Variants in AADACL3 observed in about 807,000 individuals in gnomAD.
AADACL3 encodes arylacetamide deacetylase like 3, also known as arylacetamide deacetylase-like 3.
Under a neutral mutation model 13.6 loss-of-function variants are expected in AADACL3, and 13 were observed. That is an observed-to-expected ratio of 0.95 (90% CI 0.62 to 1.52). The LOEUF (loss-of-function observed/expected upper bound fraction) is 1.52, where lower values mean the gene tolerates loss of function less well. Among genes scored for constraint, AADACL3 ranks in the 40% most tolerant of loss-of-function variants. The probability of loss-of-function intolerance (pLI) is 0.00; values close to 1 mark genes in which losing one functional copy is unlikely to be tolerated. For synonymous variants in AADACL3, 195 were observed against 197.0 expected, an observed-to-expected ratio of 0.99 and a Z score of 0.08; for missense variants, 519 against 499.2, an observed-to-expected ratio of 1.04 and a Z score of -0.38.
In AADACL3 at chr1:12,716,305, G is replaced by A. The variant is rs1648431703; in HGVS notation, c.129G>A (p.Leu43=). The change falls in exon 1 of 4, where the codon CTG becomes CTA. Residue 43 remains leucine, a synonymous_variant. Coordinates refer to ENST00000359318, the MANE Select transcript of AADACL3 (RefSeq NM_001103170.3). ...CAGCGGTTGGCCACCCTGTGAAACT[G>A]AGAGTCCTCCATTGCATCTTCCAGC... ...IPAAVGHPVK[L]RVLHCIFQLL... 6.2e-7 allele frequency: 1 copy of A among 1,614,060 alleles called. No homozygotes were observed. Among genetic ancestry groups the A allele is most frequent in the Non-Finnish European group, 8.5e-7 (1 of 1,180,022 alleles).
Position 12,725,417 on chromosome 1 carries a change from C to T in AADACL3, c.645C>T (p.Ile215=). Reference sequence around the variant, plus strand: ...TGGACAGGCCAGATCTGCCCCGGATCCGGGCTCAGATCCTGATCTATGCCA... The same window carrying T: ...TGGACAGGCCAGATCTGCCCCGGATTCGGGCTCAGATCCTGATCTATGCCA... The part of the protein sequence containing the change: ...QLVDRPDLPR[I]RAQILIYAIL... Residue 215 remains isoleucine (I), a synonymous_variant, in exon 4 of 4, where the codon ATC becomes ATT. Transcript: ENST00000359318. The T allele has an allele frequency of 6.2e-7, 1 of 1,614,004 alleles. No individual in the cohort carries two copies. Among genetic ancestry groups the T allele is most frequent in the South Asian group, 1.1e-5 (1 of 91,038 alleles).
At position 12,725,771 on chromosome 1, in the gene AADACL3, G is replaced by A. The variant is rs746815760; in HGVS notation, c.999G>A (p.Val333=). Residue 333 remains valine (V), a synonymous_variant, in exon 4 of 4, where the codon GTG becomes GTA. Transcript: ENST00000359318. Reference sequence around the variant, plus strand: ...CCCTGATTGCAGAAGATGACATAGTGTCTCAGCTCCCGGAAACCTGCATCG... The same window carrying A: ...CCCTGATTGCAGAAGATGACATAGTATCTCAGCTCCCGGAAACCTGCATCG... ...CSPLIAEDDI[V]SQLPETCIVS... is the part of the protein sequence containing the mutation. 3.7e-6 allele frequency: 6 copies of A among 1,614,166 alleles called. No individual in the cohort carries two copies. Among genetic ancestry groups the A allele is most frequent in the East Asian group, 2.2e-5 (1 of 44,880 alleles).
At chr1:12,718,138 T>C (rs1648479360) in intron 1 of AADACL3, among the ~76,000 whole-genome samples, 3 of 152,198 alleles carry the variant, frequency 2.0e-5, no homozygotes, top group South Asian at 2.1e-4. Flanking sequence ...GAAGAACCTA[T>C]ATTATTATGA....
chr1:12,721,219 T>G (rs955072200), intron 3 of AADACL3, among the ~76,000 whole-genome samples: 1 of 151,898 alleles, frequency 6.6e-6, no homozygotes. Context: ...CTGGGCAACA[T>G]AGTGAGACCC....
rs771814330 is a variant in AADACL3, at chr1:12,725,376, GT to G, written c.607del (p.Cys203ValfsTer18). ...DSFGGAIAAV[V>X]CQQLVDRPDL... ...TTTCGGAGGGGCAATAGCCGCAGTG[GT>G]TTGTCAACAACTTGTGGACAGGCCA... On this transcript the variant is annotated frameshift_variant, in exon 4 of 4. Transcript: ENST00000359318. LOFTEE classifies it low-confidence loss of function (END_TRUNC). 1.9e-6 allele frequency: 3 copies of G among 1,614,038 alleles called. No homozygotes were observed. The highest frequency in any genetic ancestry group is 2.5e-6 in the Non-Finnish European group (3 of 1,180,030).
rs368308333 is a variant in AADACL3, at chr1:12,725,904, G to A, written c.1132G>A (p.Gly378Arg). Residue 378 changes from glycine (G) to arginine (R), a missense_variant, in exon 4 of 4, where the codon GGA (glycine) becomes AGA (arginine). By Grantham distance (125) the Gly-to-Arg change is moderately radical. Transcript: ENST00000359318. ...GCACCATATGGAGGATGGTTTCCAT[G>A]GAGTGCTCAGGACCATTGACATGAG... ...TWHHMEDGFH[G>R]VLRTIDMSFL... 1 of 1,614,160 alleles carries A rather than the reference G, an allele frequency of 6.2e-7. No homozygotes were observed. Among genetic ancestry groups the A allele is most frequent in the Non-Finnish European group, 8.5e-7 (1 of 1,180,024 alleles).
intron 1 of AADACL3, among the ~76,000 whole-genome samples, chr1:12,717,420 A>G (rs1479312775): frequency 6.6e-6 from 1 of 152,250 alleles, no homozygotes. Context: ...TGGAGACTCC[A>G]TGAATAACCC....
chr1:12,723,659 G>A (rs1380086798), intron 3 of AADACL3, among the ~76,000 whole-genome samples: 5 of 151,296 alleles, frequency 3.3e-5, no homozygotes, highest in Non-Finnish European at 7.4e-5. Context: ...TTGTATTTTT[G>A]GTAGAGGCAG....
In AADACL3 at chr1:12,719,555, T is replaced by C. The variant is rs772243495; in HGVS notation, c.249T>C (p.Tyr83=). ...TGCAAGATCTGCCTCCGCTAAAGTA[T>C]GACCCCGATGTTGTGGTCACGGATT... ...CFMQDLPPLK[Y]DPDVVVTDFR... Residue 83 remains tyrosine (Y), a synonymous_variant, in exon 2 of 4, where the codon TAT becomes TAC. Coordinates refer to ENST00000359318, the MANE Select transcript of AADACL3 (RefSeq NM_001103170.3). 1.7e-5 allele frequency: 28 copies of C among 1,614,186 alleles called. No individual in the cohort carries two copies. In the South Asian group the frequency reaches 3.1e-4, roughly 18 times the overall value.
rs148957915 is a variant in AADACL3, at chr1:12,718,111, C to A, written c.169-1364C>A. On this transcript the variant is annotated intron_variant, in intron 1 of 3. Transcript: ENST00000359318. ...ATCAGGCAGCAGTTAGATCTTATTA[C>A]TCTATGTGCTAGTAAGGAAGAACCT... is the stretch of plus-strand genomic sequence containing the variant. 8.6e-3 allele frequency among the ~76,000 whole-genome samples: 1,302 copies of A among 152,244 alleles called. 18 individuals are homozygous for A. The highest frequency in any genetic ancestry group is 0.026 in the African/African-American group (1,070 of 41,554).
At position 12,718,359 on chromosome 1, in the gene AADACL3, CAA is replaced by C. The variant is rs781999285; in HGVS notation, c.169-1094_169-1093del. Among the ~76,000 whole-genome samples the C allele has an allele frequency of 3.0e-3, 200 of 66,548 alleles. 2 individuals carry two copies. Among genetic ancestry groups the C allele is most frequent in the African/African-American group, 8.1e-3 (154 of 19,048 alleles). The allele number at this position is 66,548 out of a possible 152,430, so 43.7% of individuals were successfully genotyped here. A position where few individuals can be genotyped will look rare whatever the true frequency, so the allele number is the denominator to read the frequency against. The stretch of plus-strand genomic sequence containing the variant: ...GTGACATAATGAGGCCTCTTCTCTC[CAA>C]AAAAAAAAAAAAAAAAAAAAAGTTC... On this transcript the variant is annotated intron_variant, in intron 1 of 3. Transcript: ENST00000359318.
Position 12,725,497 on chromosome 1 carries a change from C to T in AADACL3, c.725C>T (p.Pro242Leu). ...TPSFQQRKNI[P>L]LLTWSFICYF... is the part of the protein sequence containing the mutation. ...TCGTTTCAACAGAGGAAAAACATCC[C>T]ACTGCTCACCTGGAGTTTCATCTGC... Residue 242 changes from proline (P) to leucine (L), a missense_variant, in exon 4 of 4, where the codon CCA becomes CTA. Physicochemically the swap from Pro to Leu is moderately conservative, Grantham distance 98 (BLOSUM62 -3). Coordinates refer to ENST00000359318, the MANE Select transcript of AADACL3 (RefSeq NM_001103170.3). The T allele has an allele frequency of 6.2e-7, 1 of 1,614,102 alleles. No homozygotes were observed. Among genetic ancestry groups the T allele is most frequent in the Non-Finnish European group, 8.5e-7 (1 of 1,180,000 alleles).
chr1:12,722,321 C>A (rs1248243584), intron 3 of AADACL3, among the ~76,000 whole-genome samples: 1 of 107,250 alleles, frequency 9.3e-6, no homozygotes, highest in African/African-American at 3.9e-5. Flanking sequence ...AGTGAGATTC[C>A]GTCTGAAAAA....
intron 3 of AADACL3, among the ~76,000 whole-genome samples, chr1:12,722,764 A>G (rs1180458571): frequency 6.6e-6 from 1 of 151,900 alleles, no homozygotes; most frequent in Non-Finnish European, 1.5e-5. Flanking sequence ...ATCTCTTAGC[A>G]ATACCAGGTA....
At position 12,725,733 on chromosome 1, in the gene AADACL3, G is replaced by A. The variant is rs1245474809; in HGVS notation, c.961G>A (p.Val321Met). Residue 321 changes from valine to methionine, a missense_variant, in exon 4 of 4, where the codon GTG becomes ATG. Transcript: ENST00000359318. ...CTTGGAAGTAAGTGTTGTCCTGGAT[G>A]TGATGTGCTCGCCCCTGATTGCAGA... The part of the protein sequence containing the change: ...AYLEVSVVLD[V>M]MCSPLIAEDD... The A allele has an allele frequency of 6.2e-6, 10 of 1,614,078 alleles. No homozygotes were observed. In the Admixed American group the frequency reaches 1.0e-4, roughly 16 times the overall value.
chr1:12,725,880 C>G lies in AADACL3; in HGVS notation c.1108C>G (p.His370Asp). The G allele has an allele frequency of 6.2e-7, 1 of 1,614,194 alleles. No homozygotes were observed. The highest frequency in any genetic ancestry group is 8.5e-7 in the Non-Finnish European group (1 of 1,180,018). Reference sequence around the variant, plus strand: ...AGACCTGGGAGTGCCCGTGACCTGGCACCATATGGAGGATGGTTTCCATGG... The same window carrying G: ...AGACCTGGGAGTGCCCGTGACCTGGGACCATATGGAGGATGGTTTCCATGG... ...LEDLGVPVTWHHMEDGFHGVL... is the reference protein window; with the variant it reads ...LEDLGVPVTWDHMEDGFHGVL... The change falls in exon 4 of 4, where the codon CAC becomes GAC. Residue 370 changes from histidine to aspartate, a missense_variant. His to Asp is a moderately conservative substitution (Grantham distance 81, BLOSUM62 -1). Transcript: ENST00000359318.
chr1:12,717,403 G>A (rs529192375), intron 1 of AADACL3, among the ~76,000 whole-genome samples: 69 of 152,146 alleles, frequency 4.5e-4, no homozygotes, highest in Non-Finnish European at 8.8e-4. Flanking sequence ...TACTTCACAG[G>A]GTTTTGTGGA....
chr1:12,725,748 C>T lies in AADACL3; in HGVS notation c.976C>T (p.Leu326=). Residue 326 remains leucine, a synonymous_variant, in exon 4 of 4, where the codon CTG becomes TTG. Transcript: ENST00000359318. ...TGTCCTGGATGTGATGTGCTCGCCC[C>T]TGATTGCAGAAGATGACATAGTGTC... ...SVVLDVMCSP[L]IAEDDIVSQL... 1 of 1,614,146 alleles carries T rather than the reference C, an allele frequency of 6.2e-7. No individual in the cohort carries two copies. The highest frequency in any genetic ancestry group is 8.5e-7 in the Non-Finnish European group (1 of 1,180,034).
At chr1:12,723,943 C>G (rs1460512858) in intron 3 of AADACL3, among the ~76,000 whole-genome samples, 1 of 150,396 alleles carries the variant, frequency 6.6e-6, no homozygotes, top group Non-Finnish European at 1.5e-5. Flanking sequence ...CACCACCACG[C>G]CCGGTTAATT....
Sources: allele counts gnomAD v4.1 joint callset (sites outside exome capture counted in the v4.1 genomes callset), GRCh38; gene constraint gnomAD v4.1.1; transcripts MANE v1.5; gene names NCBI Gene and HGNC (gene_info 2026-07-23, HGNC 2026-07-21).